The following CYRIA variants were observed in gnomAD, a reference collection of about 807,000 sequenced individuals.
CYRIA encodes CYFIP related Rac1 interactor A, also known as CYFIP-related Rac1 interactor A.
Under a neutral mutation model 43.9 loss-of-function variants are expected in CYRIA, and 15 were observed. That is an observed-to-expected ratio of 0.34 (90% CI 0.23 to 0.53). CYRIA has a LOEUF of 0.53. CYRIA is among the 20% of genes least tolerant of loss of function. The pLI is 0.94. For synonymous variants in CYRIA, 117 were observed against 136.0 expected (o/e 0.86, Z 0.97); for missense variants, 236 against 394.2 (o/e 0.60, Z 3.40).
At chr2:16,586,455 C>T (rs141343602) in intron 3 of CYRIA, among the ~76,000 whole-genome samples, 286 of 152,018 alleles carry the variant, frequency 1.9e-3, no homozygotes, top group African/African-American at 6.6e-3. Context: ...TATATCAACT[C>T]GCTCTGCCTC....
intron 3 of CYRIA, among the ~76,000 whole-genome samples, chr2:16,586,383 G>T (rs187689789): frequency 1.3e-4 from 20 of 152,058 alleles, no homozygotes; most frequent in Admixed American, 1.0e-3. Flanking sequence ...CAACATATAT[G>T]TGTGTGTGTG....
chr2:16,655,715 A>G (rs1352304360), intron 1 of CYRIA, among the ~76,000 whole-genome samples: 2 of 151,868 alleles, frequency 1.3e-5, no homozygotes, highest in Non-Finnish European at 2.9e-5. Context: ...TTTCTCTTTC[A>G]TAATCTTTTT....
chr2:16,560,892 G>T, intron 9 of CYRIA, 98 bp downstream of exon 9: 1 of 1,053,288 alleles, frequency 9.5e-7, no homozygotes, highest in South Asian at 1.3e-5. Context: ...AAAACTTTAG[G>T]GTGTTGACCC....
intron 3 of CYRIA, among the ~76,000 whole-genome samples, chr2:16,572,639 G>A (rs904200381): frequency 6.6e-6 from 1 of 152,178 alleles, no homozygotes; most frequent in Non-Finnish European, 1.5e-5. Flanking sequence ...AAGAGTAGGA[G>A]TCTATATTCT....
At chr2:16,619,195 A>G (rs932136452) in intron 2 of CYRIA, among the ~76,000 whole-genome samples, 1 of 152,190 alleles carries the variant, frequency 6.6e-6, no homozygotes, top group Non-Finnish European at 1.5e-5. Context: ...CCATCCATTC[A>G]TCTTGCAGCC....
intron 7 of CYRIA, 59 bp downstream of exon 7, chr2:16,561,397 G>A: frequency 6.5e-7 from 1 of 1,538,516 alleles, no homozygotes; most frequent in East Asian, 2.2e-5. Flanking sequence ...TCTGCCTGAT[G>A]CAGAAATCAA....
intron 2 of CYRIA, among the ~76,000 whole-genome samples, chr2:16,588,733 A>C (rs892627032): frequency 2.6e-5 from 4 of 152,124 alleles, no homozygotes; most frequent in African/African-American, 9.6e-5. Context: ...TCCTCTTAAC[A>C]TGTATAAGAG....
At position 16,639,907 on chromosome 2, in the gene CYRIA, C is replaced by G. The variant is rs16982629; in HGVS notation, c.-166-15888G>C. ...GCTGTTCTTTGCCTTTTGAGTAAAG[C>G]CTGACAATATTTTGGACCACTCTTT... On this transcript the variant is annotated intron_variant, in intron 1 of 11. Transcript: ENST00000381323. 5.8e-3 allele frequency among the ~76,000 whole-genome samples: 888 copies of G among 152,304 alleles called. 9 individuals carry two copies. The highest frequency in any genetic ancestry group is 0.039 in the South Asian group (186 of 4,828).
intron 2 of CYRIA, among the ~76,000 whole-genome samples, chr2:16,619,886 G>A (rs1431627068): frequency 2.0e-5 from 3 of 152,144 alleles, no homozygotes; most frequent in Non-Finnish European, 4.4e-5. Flanking sequence ...CTTCCAGCTC[G>A]CAACTCCTAC....
Position 16,551,999 on chromosome 2 carries a change from GTA to G in CYRIA, c.*935_*936del, listed in dbSNP as rs1194144027. 1 of 152,046 alleles carries G rather than the reference GTA, an allele frequency of 6.6e-6. No individual in the cohort carries two copies. The highest frequency in any genetic ancestry group is 6.6e-5 in the Admixed American group (1 of 15,264). 9.4% of individuals were successfully genotyped at this position (152,046 alleles called of 1,614,324 possible). On this transcript the variant is annotated 3_prime_UTR_variant, in exon 12 of 12. Coordinates refer to ENST00000381323, the MANE Select transcript of CYRIA (RefSeq NM_030797.4). Reference sequence around the variant, plus strand: ...CCCTAGTTTTCTGGTAACTAATGCAGTATCCTAGACCTTTGTTCTCATATGAA... The same window carrying G: ...CCCTAGTTTTCTGGTAACTAATGCAGTCCTAGACCTTTGTTCTCATATGAA...
At chr2:16,576,191 A>T (rs1269934894) in intron 3 of CYRIA, among the ~76,000 whole-genome samples, 1 of 152,170 alleles carries the variant, frequency 6.6e-6, no homozygotes, top group Non-Finnish European at 1.5e-5. Context: ...GGACCTTAGG[A>T]GGGTGAGGAC....
chr2:16,582,611 C>T (rs1667587582), intron 3 of CYRIA, among the ~76,000 whole-genome samples: 1 of 152,174 alleles, frequency 6.6e-6, no homozygotes, highest in Non-Finnish European at 1.5e-5. Context: ...ATGAAATCAA[C>T]AGTGTGTGGT....
At chr2:16,665,403 T>C (rs1173933095) in intron 1 of CYRIA, among the ~76,000 whole-genome samples, 1 of 151,336 alleles carries the variant, frequency 6.6e-6, no homozygotes, top group Non-Finnish European at 1.5e-5. Flanking sequence ...CCCCGGGGCC[T>C]CGGGTGGTGG....
intron 3 of CYRIA, among the ~76,000 whole-genome samples, chr2:16,568,869 T>C (rs1317520592): frequency 6.6e-6 from 1 of 152,148 alleles, no homozygotes; most frequent in Non-Finnish European, 1.5e-5. Flanking sequence ...CACCGCTTGA[T>C]AAGTTTTAGA....
chr2:16,568,539 C>A (rs1182033417), intron 3 of CYRIA, among the ~76,000 whole-genome samples: 1 of 151,944 alleles, frequency 6.6e-6, no homozygotes, highest in Non-Finnish European at 1.5e-5. Context: ...GTAAGCCTGG[C>A]AGTTTCTGAG....
intron 3 of CYRIA, among the ~76,000 whole-genome samples, chr2:16,567,032 C>T (rs1024966676): frequency 4.6e-5 from 7 of 152,102 alleles, no homozygotes; most frequent in Non-Finnish European, 1.0e-4. Flanking sequence ...CAGATCAAAT[C>T]TCAGTTTTAA....
intron 2 of CYRIA, among the ~76,000 whole-genome samples, chr2:16,591,112 C>T (rs1303856745): frequency 6.6e-6 from 1 of 152,008 alleles, no homozygotes; most frequent in Non-Finnish European, 1.5e-5. Flanking sequence ...TACCATAGTA[C>T]TCATGAAATA....
At chr2:16,648,191 G>A (rs1393081285) in intron 1 of CYRIA, among the ~76,000 whole-genome samples, 1 of 152,108 alleles carries the variant, frequency 6.6e-6, no homozygotes, top group African/African-American at 2.4e-5. Context: ...CTCAGCCAGG[G>A]GGGTGGAGTC....
intron 10 of CYRIA, among the ~76,000 whole-genome samples, chr2:16,556,702 G>A (rs1474172847): frequency 2.0e-5 from 3 of 152,106 alleles, no homozygotes; most frequent in Non-Finnish European, 4.4e-5. Context: ...AAAAGGACCA[G>A]AAGGAAGCAA....
Sources: allele counts gnomAD v4.1 joint callset (sites outside exome capture counted in the v4.1 genomes callset), GRCh38; gene constraint gnomAD v4.1.1; transcripts MANE v1.5; gene names NCBI Gene and HGNC (gene_info 2026-07-23, HGNC 2026-07-21).